Variants in LMNA observed in about 807,000 individuals in gnomAD.
LMNA encodes the protein lamin.
A neutral mutation model predicts 70.4 loss-of-function variants in LMNA; 20 were observed. The ratio of observed to expected loss-of-function variants is 0.28; its 90% confidence interval spans 0.20 to 0.41. The LOEUF (loss-of-function observed/expected upper bound fraction) is 0.41, where lower values mean the gene tolerates loss of function less well. Among genes scored for constraint, LMNA ranks in the 10% least tolerant of loss-of-function variants. The pLI, the probability that LMNA is intolerant of heterozygous loss-of-function variation, is 1.00. For missense variants in LMNA, 652 were observed against 917.2 expected (o/e 0.71, Z 3.73); for synonymous variants, 339 against 372.8 (o/e 0.91, Z 1.04).
upstream of LMNA, among the ~76,000 whole-genome samples, chr1:156,114,480 C>G (rs1649661861): frequency 6.6e-6 from 1 of 152,178 alleles, no homozygotes; most frequent in Non-Finnish European, 1.5e-5. Flanking sequence ...AGCTTGGAGC[C>G]GACAGTGCTG....
intron 3 of LMNA, among the ~76,000 whole-genome samples, chr1:156,094,540 T>C (rs1456883004): frequency 6.6e-6 from 1 of 152,004 alleles, no homozygotes; most frequent in African/African-American, 2.4e-5. Context: ...GGTTTTACCA[T>C]ATTGGCCAGG....
intron 3 of LMNA, among the ~76,000 whole-genome samples, chr1:156,100,487 A>T (rs755555184): frequency 2.0e-5 from 3 of 152,054 alleles, no homozygotes; most frequent in Non-Finnish European, 4.4e-5. Context: ...ACAGGTCCTG[A>T]CACATGGTGA....
At chr1:156,094,172 C>T (rs1271464981) in intron 3 of LMNA, among the ~76,000 whole-genome samples, 3 of 152,154 alleles carry the variant, frequency 2.0e-5, no homozygotes, top group East Asian at 1.9e-4. Flanking sequence ...TCTCAGTCAC[C>T]GCTAGTAAAA....
Position 156,138,878 on chromosome 1 carries a change from G to C in LMNA, c.1968+121G>C. 2 of 1,406,074 alleles carry C rather than the reference G, an allele frequency of 1.4e-6. No homozygotes were observed. The highest frequency in any genetic ancestry group is 2.4e-5 in the East Asian group (1 of 42,046). 87.1% of individuals were successfully genotyped at this position (1,406,074 alleles called of 1,614,324 possible). On this transcript the variant is annotated intron_variant, in intron 11 of 11. Coordinates refer to ENST00000368300, the MANE Select transcript of LMNA (RefSeq NM_170707.4). The surrounding 1 kb of genome is among the most constrained non-coding windows in gnomAD (Gnocchi z 5.5). ...TCTCTTCCGCAGCCCGGGGGAGTGG[G>C]AGCCTCCTCCCCACAGCCTGAGTCC... is the stretch of plus-strand genomic sequence containing the variant.
Position 156,135,192 on chromosome 1 carries a change from C to T in LMNA, c.816C>T (p.Asp272=). The change falls in exon 5 of 12, where the codon GAC becomes GAT. Residue 272 remains aspartate (D), a synonymous_variant. Coordinates refer to ENST00000368300, the MANE Select transcript of LMNA (RefSeq NM_170707.4). The surrounding 1 kb of genome is among the most constrained non-coding windows in gnomAD (Gnocchi z 4.8). The part of the protein sequence containing the change: ...ELEKTYSAKL[D]NARQSAERNS... ...CCCTTTGTCCTCCCCTCCAGCTGGA[C>T]AATGCCAGGCAGTCTGCTGAGAGGA... The T allele has an allele frequency of 6.2e-7, 1 of 1,614,058 alleles. No homozygotes were observed.
upstream of LMNA, among the ~76,000 whole-genome samples, chr1:156,113,466 C>G (rs1649615671): frequency 6.6e-6 from 1 of 152,182 alleles, no homozygotes; most frequent in African/African-American, 2.4e-5. Flanking sequence ...GTAGCGAACC[C>G]TGGGGACCTG....
intron 1 of LMNA, among the ~76,000 whole-genome samples, chr1:156,127,517 T>G (rs1236924424): frequency 3.1e-5 from 4 of 130,962 alleles, no homozygotes; most frequent in Non-Finnish European, 5.0e-5. Flanking sequence ...CTGTTTTTTT[T>G]TTTTTTTTTT....
At chr1:156,125,638 G>A (rs889903121) in intron 1 of LMNA, among the ~76,000 whole-genome samples, 5 of 151,540 alleles carry the variant, frequency 3.3e-5, no homozygotes, top group Non-Finnish European at 7.4e-5. Flanking sequence ...GCAGGGAGCC[G>A]AGATCGCGCC....
At chr1:156,096,544 G>A (rs948207997) in intron 3 of LMNA, among the ~76,000 whole-genome samples, 10 of 152,220 alleles carry the variant, frequency 6.6e-5, no homozygotes, top group Non-Finnish European at 1.2e-4. Flanking sequence ...ACCGCAGACC[G>A]GGTTAGGTGC....
intron 2 of LMNA, among the ~76,000 whole-genome samples, chr1:156,086,417 T>TCC (rs1213876154): frequency 6.6e-6 from 1 of 152,100 alleles, no homozygotes; most frequent in African/African-American, 2.4e-5. Flanking sequence ...TCTCTCTCTC[T>TCC]CTCTCTCTTT....
At position 156,114,766 on chromosome 1, in the gene LMNA, A is replaced by G. The variant is rs1558115528; in HGVS notation, c.-153A>G. ...GCCAACCCAGATCCCGAGGTCCGAC[A>G]GCGCCCGGCCCAGATCCCCACGCCT... On this transcript the variant is annotated 5_prime_UTR_variant, in exon 1 of 12. Coordinates refer to ENST00000368300, the MANE Select transcript of LMNA (RefSeq NM_170707.4). The G allele has an allele frequency of 8.2e-6, 5 of 606,226 alleles. No individual in the cohort carries two copies. Among genetic ancestry groups the G allele is most frequent in the Non-Finnish European group, 1.4e-5 (5 of 355,166 alleles). 37.6% of individuals were successfully genotyped at this position (606,226 alleles called of 1,614,324 possible). A position where few individuals can be genotyped will look rare whatever the true frequency, so the allele number is the denominator to read the frequency against.
At chr1:156,091,287 T>A (rs1648687303) in intron 3 of LMNA, among the ~76,000 whole-genome samples, 1 of 152,128 alleles carries the variant, frequency 6.6e-6, no homozygotes, top group Non-Finnish European at 1.5e-5. Context: ...AATAATAATA[T>A]CTACCTTGTA....
chr1:156,130,180 G>T (rs1207205727), intron 1 of LMNA, among the ~76,000 whole-genome samples: 1 of 152,182 alleles, frequency 6.6e-6, no homozygotes, highest in Non-Finnish European at 1.5e-5. Context: ...CATGAGCTTA[G>T]TTGTCAGGCT....
rs117332623 is a variant in LMNA at position 156,089,255 on chromosome 1, G to A, written c.-318-1216G>A. 4.9e-3 allele frequency among the ~76,000 whole-genome samples: 751 copies of A among 152,056 alleles called. 12 individuals are homozygous for A. The East Asian group carries it at 0.064, about 13-fold the overall frequency. On this transcript the variant is annotated intron_variant, in intron 2 of 12. Transcript: ENST00000368301. ...GCCTCTCAAAGTGCTGGGATTGCAG[G>A]CATGTACCACCATACCCAACCCTTG... is the stretch of plus-strand genomic sequence containing the variant.
At chr1:156,096,944 C>T (rs966185248) in intron 3 of LMNA, among the ~76,000 whole-genome samples, 3 of 152,328 alleles carry the variant, frequency 2.0e-5, no homozygotes, top group African/African-American at 7.2e-5. Flanking sequence ...GGCAGACTCT[C>T]GCTCACCCCT....
chr1:156,102,057 GC>G (rs1649162734), intron 3 of LMNA, among the ~76,000 whole-genome samples: 1 of 152,200 alleles, frequency 6.6e-6, no homozygotes, highest in Non-Finnish European at 1.5e-5. Context: ...CTCACCCTTG[GC>G]CCAGTGCCAG....
intron 3 of LMNA, among the ~76,000 whole-genome samples, chr1:156,096,044 C>T (rs148357078): frequency 6.6e-6 from 1 of 152,328 alleles, no homozygotes; most frequent in East Asian, 1.9e-4. Context: ...GATGCTGAGT[C>T]TAGTCTCAGC....
chr1:156,129,831 G>T, intron 1 of LMNA: 3 of 765,966 alleles, frequency 3.9e-6, no homozygotes, highest in Non-Finnish European at 7.3e-6. Context: ...GAGCAGGGAG[G>T]CTTAAAGCTG....
intron 1 of LMNA, chr1:156,126,090 G>C: frequency 1.9e-6 from 2 of 1,071,104 alleles, no homozygotes; most frequent in Non-Finnish European, 2.5e-6. Context: ...TTGCCACCAG[G>C]CGGACTCCCT....
Sources: gnomAD v4.1 joint callset for allele counts (sites outside exome capture counted in the v4.1 genomes callset) on GRCh38, gnomAD v4.1.1 for gene constraint, Gnocchi (gnomAD v3.1) non-coding constraint, MANE v1.5 for transcripts, NCBI Gene and HGNC (gene_info 2026-07-23, HGNC 2026-07-21) for gene names.